Variants in NAP1L1 observed in about 807,000 individuals in gnomAD.
NAP1L1 encodes nucleosome assembly protein 1 like 1.
Under a neutral mutation model 58.9 loss-of-function variants are expected in NAP1L1, and 9 were observed. The observed-to-expected ratio is 0.15, with a 90% CI of 0.09 to 0.27. The LOEUF (loss-of-function observed/expected upper bound fraction) is 0.27, where lower values mean the gene tolerates loss of function less well. NAP1L1 is among the 10% of genes least tolerant of loss of function. The pLI is 1.00. For missense variants in NAP1L1, 302 were observed against 458.8 expected, an observed-to-expected ratio of 0.66 and a Z score of 3.12; for synonymous variants, 130 against 138.3, an observed-to-expected ratio of 0.94 and a Z score of 0.42.
At chr12:76,066,048 G>A (rs1318529357) in intron 4 of NAP1L1, among the ~76,000 whole-genome samples, 2 of 143,178 alleles carry the variant, frequency 1.4e-5, no homozygotes, top group Non-Finnish European at 1.5e-5. Flanking sequence ...TTAGTGAATA[G>A]TGTTTAAAAA....
intron 2 of NAP1L1, among the ~76,000 whole-genome samples, chr12:76,073,141 A>G (rs751300803): frequency 3.3e-5 from 5 of 152,104 alleles, no homozygotes; most frequent in African/African-American, 7.2e-5. Flanking sequence ...GACAGAATGC[A>G]TAAGTCACTC....
At chr12:76,058,172 T>C (rs1330226250) in intron 6 of NAP1L1, 3 of 598,778 alleles carry the variant, frequency 5.0e-6, no homozygotes, top group Admixed American at 4.2e-5. Flanking sequence ...ACAGTAGATA[T>C]GGCCAAAGGG....
chr12:76,069,035 A>G, intron 2 of NAP1L1, 41 bp from the exon 3 acceptor site: 1 of 1,394,546 alleles, frequency 7.2e-7, no homozygotes, highest in Non-Finnish European at 9.9e-7. Context: ...AAATGTACCA[A>G]TTACCAAAAA....
At chr12:76,072,901 T>TC (rs1950024043) in intron 2 of NAP1L1, among the ~76,000 whole-genome samples, 1 of 152,042 alleles carries the variant, frequency 6.6e-6, no homozygotes, top group Non-Finnish European at 1.5e-5. Flanking sequence ...CTTGTACTCT[T>TC]CCAAGAAGGT....
In NAP1L1 at chr12:76,039,927, C is replaced by T. The variant is rs1261760690; in HGVS notation, c.*8502G>A. 1 of 152,142 alleles carries T rather than the reference C, an allele frequency of 6.6e-6. No homozygotes were observed. Among genetic ancestry groups the T allele is most frequent in the African/African-American group, 2.4e-5 (1 of 41,430 alleles). The allele number at this position is 152,142 out of a possible 1,614,324, so 9.4% of individuals were successfully genotyped here. On this transcript the variant is annotated 3_prime_UTR_variant, in exon 15 of 15. Transcript: ENST00000618691. The stretch of plus-strand genomic sequence containing the variant: ...ATAGCAATGAAGTTTTTCTCGAAAC[C>T]TCTCAGTCTAGTTACATTATACCCA...
chr12:76,054,920 G>T, intron 8 of NAP1L1, 99 bp downstream of exon 8: 2 of 738,726 alleles, frequency 2.7e-6, no homozygotes, highest in Non-Finnish European at 2.1e-6. Flanking sequence ...CTATAACAAA[G>T]AGCACCAACC....
rs1592605849 is a variant in NAP1L1 at position 76,049,593 on chromosome 12, C to G, written c.1089+163G>C. On this transcript the variant is annotated intron_variant, in intron 13 of 14. Transcript: ENST00000618691. ...AGTTTTGCAATTTATTTATTGAAAC[C>G]TTATACATACATTGTTTGGCTGTAG... The G allele has an allele frequency of 5.3e-6, 8 of 1,512,492 alleles. No homozygotes were observed. In the South Asian group the frequency reaches 7.2e-5, roughly 14 times the overall value. The allele number at this position is 1,512,492 out of a possible 1,614,324, so 93.7% of individuals were successfully genotyped here.
chr12:76,063,423 A>G (rs545033293), intron 4 of NAP1L1, among the ~76,000 whole-genome samples: 49 of 152,364 alleles, frequency 3.2e-4, no homozygotes, highest in African/African-American at 1.1e-3. Flanking sequence ...CCAAAGTAAA[A>G]TAAATTAAAA....
At chr12:76,055,804 T>A (rs1949059765) in intron 7 of NAP1L1, among the ~76,000 whole-genome samples, 2 of 152,248 alleles carry the variant, frequency 1.3e-5, no homozygotes, top group African/African-American at 4.8e-5. Context: ...CACCAGTCGA[T>A]AATGAGCCAT....
chr12:76,059,491 T>C (rs1044732304), intron 6 of NAP1L1: 1 of 285,930 alleles, frequency 3.5e-6, no homozygotes, highest in East Asian at 9.1e-5. Context: ...CTCCATCAGA[T>C]GAATTCGAAC....
chr12:76,073,153 T>A (rs1041833270), intron 2 of NAP1L1, among the ~76,000 whole-genome samples: 7 of 152,158 alleles, frequency 4.6e-5, no homozygotes, highest in African/African-American at 1.7e-4. Context: ...AAGTCACTCA[T>A]CTGTTTTTTT....
In NAP1L1 at chr12:76,060,150, A is replaced by G; in HGVS notation, c.336T>C (p.Pro112=). Residue 112 remains proline, a synonymous_variant, in exon 5 of 15, where the codon CCT becomes CCC. Coordinates refer to ENST00000618691, the MANE Select transcript of NAP1L1 (RefSeq NM_004537.7). ...GAGAAAGCATTACCTTATCAAATAGAGGCTGATAGAGAACAGCATACTTCC... is the reference window on the plus strand; with the variant it reads ...GAGAAAGCATTACCTTATCAAATAGGGGCTGATAGAGAACAGCATACTTCC... The part of the protein sequence containing the change: ...LERKYAVLYQ[P]LFDKRFEIIN... 3 of 1,612,120 alleles carry G rather than the reference A, an allele frequency of 1.9e-6. No individual in the cohort carries two copies. Among genetic ancestry groups the G allele is most frequent in the South Asian group, 1.1e-5 (1 of 90,904 alleles).
chr12:76,060,003 G>T, intron 5 of NAP1L1, 125 bp from the exon 6 acceptor site: 1 of 1,179,142 alleles, frequency 8.5e-7, no homozygotes, highest in Non-Finnish European at 1.2e-6. Context: ...TGCTATTATT[G>T]ATAGTTCCTC....
intron 6 of NAP1L1, chr12:76,056,398 T>TAAA (rs58993925): frequency 1.0e-5 from 4 of 385,142 alleles, no homozygotes; most frequent in African/African-American, 8.4e-5. Flanking sequence ...ACCATTTTAG[T>TAAA]AAAAAAAAAA....
chr12:76,055,620 G>C (rs1949047607), intron 7 of NAP1L1, among the ~76,000 whole-genome samples: 1 of 152,196 alleles, frequency 6.6e-6, no homozygotes, highest in African/African-American at 2.4e-5. Flanking sequence ...GTTATGGTTT[G>C]CCAGAGAATG....
At chr12:76,070,045 G>T (rs552050286) in intron 2 of NAP1L1, among the ~76,000 whole-genome samples, 3 of 151,964 alleles carry the variant, frequency 2.0e-5, no homozygotes, top group Non-Finnish European at 4.4e-5. Flanking sequence ...TAATTTTCAT[G>T]CAAGTACAGA....
chr12:76,079,014 T>C lies in NAP1L1; in HGVS notation c.-20-4775A>G, dbSNP rs571429392. On this transcript the variant is annotated intron_variant, in intron 1 of 14. Coordinates refer to ENST00000618691, the MANE Select transcript of NAP1L1 (RefSeq NM_004537.7). Reference sequence around the variant, plus strand: ...ATATATACACACACACACACACACATATATTTATCCAGCTCCGGATACATC... The same window carrying C: ...ATATATACACACACACACACACACACATATTTATCCAGCTCCGGATACATC... Among the ~76,000 whole-genome samples the C allele has an allele frequency of 2.0e-3, 294 of 148,732 alleles. 1 individual carries two copies. Among genetic ancestry groups the C allele is most frequent in the African/African-American group, 7.1e-3 (276 of 39,068 alleles).
intron 4 of NAP1L1, among the ~76,000 whole-genome samples, chr12:76,060,533 CAAGTT>C (rs1372732933): frequency 2.6e-5 from 4 of 152,108 alleles, no homozygotes; most frequent in African/African-American, 9.7e-5. Flanking sequence ...AATCTTTACC[CAAGTT>C]AAGTGTTGGA....
At chr12:76,082,252 G>C (rs957135191) in intron 1 of NAP1L1, among the ~76,000 whole-genome samples, 8 of 152,112 alleles carry the variant, frequency 5.3e-5, no homozygotes, top group Non-Finnish European at 1.2e-4. Flanking sequence ...CCTTAGTTTT[G>C]AATATATTTT....
Sources: gnomAD v4.1 joint callset for allele counts (sites outside exome capture counted in the v4.1 genomes callset) on GRCh38, gnomAD v4.1.1 for gene constraint, MANE v1.5 for transcripts, NCBI Gene and HGNC (gene_info 2026-07-23, HGNC 2026-07-21) for gene names.